Variants in SENP6 observed in about 807,000 individuals in gnomAD.
SENP6 encodes the protein SUMO specific peptidase 6.
SENP6 carries 41 observed loss-of-function variants against 134.5 expected under a neutral mutation model. The ratio of observed to expected loss-of-function variants is 0.30; its 90% CI spans 0.24 to 0.40. The LOEUF is 0.40. SENP6 is among the 10% of genes least tolerant of loss of function. The probability of loss-of-function intolerance (pLI) is 1.00; values close to 1 mark genes in which losing one functional copy is unlikely to be tolerated. For synonymous variants in SENP6, 395 were observed against 429.8 expected (o/e 0.92, Z 1.00); for missense variants, 1,248 against 1,312.5 (o/e 0.95, Z 0.76).
chr6:75,702,418 A>G (rs2149899611), intron 18 of SENP6, among the ~76,000 whole-genome samples: 1 of 151,944 alleles, frequency 6.6e-6, no homozygotes, highest in African/African-American at 2.4e-5. Flanking sequence ...GGGTTTTGCC[A>G]TGTTGGCTAG....
intron 1 of SENP6, among the ~76,000 whole-genome samples, chr6:75,607,567 A>C (rs2042097057): frequency 6.6e-6 from 1 of 151,298 alleles, no homozygotes; most frequent in South Asian, 2.1e-4. Context: ...TAACCAAGTG[A>C]ATTCCTTCTC....
intron 3 of SENP6, among the ~76,000 whole-genome samples, chr6:75,627,685 G>A (rs971207246): frequency 6.6e-6 from 1 of 151,994 alleles, no homozygotes; most frequent in African/African-American, 2.4e-5. Flanking sequence ...CTTTCAGATT[G>A]CTTTTTTTTT....
chr6:75,713,986 A>G (rs1270390846), intron 23 of SENP6, among the ~76,000 whole-genome samples, 161 bp downstream of exon 23: 1 of 152,218 alleles, frequency 6.6e-6, no homozygotes, highest in African/African-American at 2.4e-5. Flanking sequence ...AAGAACCTTC[A>G]AGGCATAAAA....
chr6:75,702,521 A>G, intron 18 of SENP6, 124 bp from the exon 19 acceptor site: 1 of 961,836 alleles, frequency 1.0e-6, no homozygotes. Context: ...CCCGGCCAGA[A>G]TTAGGCATTT....
At chr6:75,629,474 G>A (rs1768945818) in intron 3 of SENP6, among the ~76,000 whole-genome samples, 1 of 151,868 alleles carries the variant, frequency 6.6e-6, no homozygotes, top group Non-Finnish European at 1.5e-5. Context: ...TAGTTTTTGT[G>A]TTTTTAACAG....
intron 19 of SENP6, among the ~76,000 whole-genome samples, chr6:75,706,085 G>A (rs1775392004): frequency 1.3e-5 from 2 of 151,402 alleles, no homozygotes; most frequent in Non-Finnish European, 2.9e-5. Flanking sequence ...GGGATTACGG[G>A]TGCGCACCAC....
chr6:75,625,792 T>G (rs1479725598), intron 3 of SENP6, among the ~76,000 whole-genome samples: 4 of 152,086 alleles, frequency 2.6e-5, no homozygotes, highest in Admixed American at 6.6e-5. Flanking sequence ...TTGCTTGAGC[T>G]CAGGAGGCAG....
chr6:75,660,462 T>G (rs1174170306), intron 8 of SENP6, among the ~76,000 whole-genome samples: 1 of 152,222 alleles, frequency 6.6e-6, no homozygotes, highest in Non-Finnish European at 1.5e-5. Context: ...TCTGTAACTT[T>G]CATGATGTTT....
At chr6:75,619,541 A>G (rs1338918800) in intron 1 of SENP6, among the ~76,000 whole-genome samples, 1 of 151,998 alleles carries the variant, frequency 6.6e-6, no homozygotes, top group Non-Finnish European at 1.5e-5. Flanking sequence ...TGTTTCCACC[A>G]TTTAGCTTAC....
Position 75,633,815 on chromosome 6 carries a change from C to A in SENP6, c.353+89C>A, listed in dbSNP as rs769210471. 2.4e-5 allele frequency: 27 copies of A among 1,133,986 alleles called. 1 individual carries two copies. Among genetic ancestry groups the A allele is most frequent in the Non-Finnish European group, 2.7e-5 (22 of 825,230 alleles). 70.2% of individuals were successfully genotyped at this position (1,133,986 alleles called of 1,614,324 possible). A position where few individuals can be genotyped will look rare whatever the true frequency, so the allele number is the denominator to read the frequency against. On this transcript the variant is annotated intron_variant, in intron 4 of 23. Coordinates refer to ENST00000447266, the MANE Select transcript of SENP6 (RefSeq NM_015571.4). ...TAGAAGCTAATAGGCCCAACCTGTA[C>A]CTTTTCTTCTGAATTTGTCTATAGG...
rs868709919 is a variant in SENP6 at position 75,614,718 on chromosome 6, G to A, written c.53-6814G>A. The stretch of plus-strand genomic sequence containing the variant: ...CAATTATTAATATAATGGTTCCCAA[G>A]TGATTTTTCTCCCTTTACTGCACCA... On this transcript the variant is annotated intron_variant, in intron 1 of 23. Transcript: ENST00000447266. 7.9e-5 allele frequency among the ~76,000 whole-genome samples: 12 copies of A among 152,262 alleles called. No individual in the cohort carries two copies. In the South Asian group the frequency reaches 8.3e-4, roughly 11 times the overall value.
At chr6:75,705,078 CTCTT>C (rs1265277255) in intron 19 of SENP6, among the ~76,000 whole-genome samples, 11 of 152,330 alleles carry the variant, frequency 7.2e-5, no homozygotes, top group Admixed American at 5.9e-4. Flanking sequence ...AGTCTGATCT[CTCTT>C]TCTTTTCCCT....
chr6:75,641,340 C>T (rs1021176219), intron 6 of SENP6, among the ~76,000 whole-genome samples: 8 of 152,164 alleles, frequency 5.3e-5, no homozygotes, highest in African/African-American at 1.7e-4. Context: ...CTTTCAGTTA[C>T]ATCATCAAAA....
At chr6:75,677,444 C>G (rs1773168286) in intron 14 of SENP6, 188 bp downstream of exon 14, 1 of 494,504 alleles carries the variant, frequency 2.0e-6, no homozygotes. Flanking sequence ...CCAAATACCA[C>G]TTGATACAGG....
At chr6:75,661,440 CTGTT>C (rs994659985) in intron 8 of SENP6, among the ~76,000 whole-genome samples, 1 of 152,200 alleles carries the variant, frequency 6.6e-6, no homozygotes, top group South Asian at 2.1e-4. Context: ...CTGAAAACCT[CTGTT>C]TGTTTGTTTT....
intron 6 of SENP6, among the ~76,000 whole-genome samples, chr6:75,643,470 A>G (rs1305943401): frequency 1.3e-5 from 2 of 152,260 alleles, no homozygotes; most frequent in South Asian, 2.1e-4. Flanking sequence ...TAATAGGCAC[A>G]GTTTATGGGA....
At chr6:75,659,547 C>A in intron 8 of SENP6, 140 bp downstream of exon 8, 2 of 672,428 alleles carry the variant, frequency 3.0e-6, no homozygotes, top group South Asian at 2.2e-5. Flanking sequence ...GCTTTTTCTG[C>A]CTTCAGTAGA....
chr6:75,683,112 A>T (rs1562045810), intron 16 of SENP6, among the ~76,000 whole-genome samples: 1 of 152,126 alleles, frequency 6.6e-6, no homozygotes, highest in Non-Finnish European at 1.5e-5. Context: ...CTGGCATGAG[A>T]TGGTTATCTC....
At chr6:75,683,430 G>A (rs1333176963) in intron 16 of SENP6, among the ~76,000 whole-genome samples, 1 of 152,154 alleles carries the variant, frequency 6.6e-6, no homozygotes, top group East Asian at 1.9e-4. Flanking sequence ...TTTGGCTTTT[G>A]TTGCCATTGC....
Sources: gnomAD v4.1 joint callset for allele counts (sites outside exome capture counted in the v4.1 genomes callset) on GRCh38, gnomAD v4.1.1 for gene constraint, MANE v1.5 for transcripts, NCBI Gene and HGNC (gene_info 2026-07-23, HGNC 2026-07-21) for gene names.